VWA8: variants seen among roughly 807,000 people sequenced by gnomAD.
The protein encoded by VWA8 is von Willebrand factor A domain containing 8, also known as von Willebrand factor A domain-containing protein 8.
VWA8 carries 221 observed loss-of-function variants against 241.5 expected under a neutral mutation model. The ratio of observed to expected loss-of-function variants is 0.91; its 90% CI spans 0.82 to 1.02. The LOEUF (loss-of-function observed/expected upper bound fraction) is 1.02. Ranked by LOEUF, VWA8 falls within the 50% of genes least tolerant of loss-of-function variation. The pLI, the probability that VWA8 is intolerant of heterozygous loss-of-function variation, is 0.00. For synonymous variants in VWA8, 852 were observed against 827.1 expected (o/e 1.03, Z -0.52); for missense variants, 2,322 against 2,328.7 (o/e 1.00, Z 0.06).
At chr13:41,690,953 A>G (rs2045172790) in intron 32 of VWA8, among the ~76,000 whole-genome samples, 2 of 152,156 alleles carry the variant, frequency 1.3e-5, no homozygotes, top group South Asian at 4.1e-4. Context: ...GTGAATTTAC[A>G]AAGAGGCAAC....
chr13:41,848,000 T>C (rs1872362843), intron 12 of VWA8, among the ~76,000 whole-genome samples: 1 of 152,060 alleles, frequency 6.6e-6, no homozygotes, highest in African/African-American at 2.4e-5. Flanking sequence ...CCAAGGATAG[T>C]GGGTTAGAAT....
Position 41,845,203 on chromosome 13 carries a change from C to T in VWA8, c.1426-11672G>A, listed in dbSNP as rs117829360. On this transcript the variant is annotated intron_variant, in intron 12 of 44. Transcript: ENST00000379310. ...AAAAAACATACGAAAAAATGCTCAA[C>T]ATCACTAATCATTAGAGAAATGCCA... Among the ~76,000 whole-genome samples, 81 of 152,230 alleles carry T rather than the reference C, an allele frequency of 5.3e-4. No individual in the cohort carries two copies. In the East Asian group the frequency reaches 0.015, roughly 29 times the overall value.
intron 9 of VWA8, among the ~76,000 whole-genome samples, chr13:41,881,734 C>A (rs1874211531): frequency 6.8e-6 from 1 of 146,062 alleles, no homozygotes; most frequent in East Asian, 2.1e-4. Flanking sequence ...GGGGGCTGAC[C>A]CCCCCACCTC....
chr13:41,722,521 T>C (rs1044810306), intron 24 of VWA8, among the ~76,000 whole-genome samples: 12 of 152,206 alleles, frequency 7.9e-5, no homozygotes, highest in Admixed American at 7.2e-4. Context: ...AAAGCCATGA[T>C]ATCTTCAAAA....
intron 12 of VWA8, among the ~76,000 whole-genome samples, chr13:41,847,272 C>T (rs184510682): frequency 6.6e-6 from 1 of 152,150 alleles, no homozygotes; most frequent in Admixed American, 6.5e-5. Context: ...TAAGAAAATA[C>T]CACATAGTAG....
chr13:41,827,487 TG>T (rs1292143567), intron 14 of VWA8, among the ~76,000 whole-genome samples: 1 of 152,094 alleles, frequency 6.6e-6, no homozygotes, highest in Non-Finnish European at 1.5e-5. Context: ...GAGTAAGATG[TG>T]GGAAATGGGA....
chr13:41,629,238 C>T (rs980990919), intron 37 of VWA8, among the ~76,000 whole-genome samples: 5 of 152,116 alleles, frequency 3.3e-5, no homozygotes, highest in African/African-American at 1.2e-4. Flanking sequence ...CTACTATGCT[C>T]ACTACCTTGG....
chr13:41,898,775 TGGCACTGCTG>T, intron 4 of VWA8, among the ~76,000 whole-genome samples: 1 of 145,866 alleles, frequency 6.9e-6, no homozygotes, highest in Admixed American at 6.8e-5. Context: ...GCCGGTGGGC[TGGCACTGCTG>T]GGGGACCCAG....
chr13:41,701,176 T>C lies in VWA8; in HGVS notation c.3364+216A>G, dbSNP rs536296108. 2.6e-5 allele frequency among the ~76,000 whole-genome samples: 4 copies of C among 152,330 alleles called. No homozygotes were observed. The South Asian group carries it at 8.3e-4, about 32-fold the overall frequency. ...ACAATTGTAATGAGAAACAGACATA[T>C]GCATACAAACTCAGGAGTGCTTATG... On this transcript the variant is annotated intron_variant, in intron 28 of 44. Coordinates refer to ENST00000379310, the MANE Select transcript of VWA8 (RefSeq NM_015058.2).
intron 37 of VWA8, among the ~76,000 whole-genome samples, chr13:41,618,067 T>C (rs1331066359): frequency 1.3e-5 from 2 of 152,344 alleles, no homozygotes; most frequent in East Asian, 1.9e-4. Context: ...TCTTCCACAA[T>C]GGTTGAACTA....
At position 41,750,491 on chromosome 13, in the gene VWA8, A is replaced by AAAGGAAGG. The variant is rs55752497; in HGVS notation, c.2426+10629_2426+10636dup. Among the ~76,000 whole-genome samples, 13 of 149,970 alleles carry AAAGGAAGG rather than the reference A, an allele frequency of 8.7e-5. No individual in the cohort carries two copies. In the East Asian group the frequency reaches 1.2e-3, roughly 14 times the overall value. On this transcript the variant is annotated intron_variant, in intron 21 of 44. Coordinates refer to ENST00000379310, the MANE Select transcript of VWA8 (RefSeq NM_015058.2). ...AAAACAAAAAAAAAAGGAAAAAAAG[A>AAAGGAAGG]AAGGAAGGAAGGAAGGAAGGAAAAC...
At chr13:41,767,778 A>G (rs2045789379) in intron 20 of VWA8, among the ~76,000 whole-genome samples, 1 of 152,168 alleles carries the variant, frequency 6.6e-6, no homozygotes, top group Non-Finnish European at 1.5e-5. Context: ...ACCTCCCTGC[A>G]TTTTCCCTTT....
intron 16 of VWA8, among the ~76,000 whole-genome samples, chr13:41,811,660 T>C (rs1012322945): frequency 1.3e-5 from 2 of 152,156 alleles, no homozygotes; most frequent in African/African-American, 4.8e-5. Flanking sequence ...GGCTGTATGA[T>C]TGACTGTTCA....
intron 20 of VWA8, among the ~76,000 whole-genome samples, chr13:41,773,662 T>C (rs567059437): frequency 6.6e-6 from 1 of 152,310 alleles, no homozygotes; most frequent in African/African-American, 2.4e-5. Flanking sequence ...GATGTTACCT[T>C]ATGAAAACAC....
At chr13:41,865,855 C>T (rs201602733) in intron 11 of VWA8, 42 bp from the exon 12 acceptor site, 20 of 1,614,016 alleles carry the variant, frequency 1.2e-5, no homozygotes, top group African/African-American at 4.0e-5. Context: ...GTCAAAATAA[C>T]CAAAAGCCAG....
At chr13:41,750,011 C>G (rs1264954105) in intron 21 of VWA8, among the ~76,000 whole-genome samples, 3 of 151,962 alleles carry the variant, frequency 2.0e-5, no homozygotes, top group South Asian at 2.1e-4. Flanking sequence ...TACCCTAAAA[C>G]TTAAAGTATA....
At chr13:41,935,736 C>T (rs945204949) in intron 2 of VWA8, among the ~76,000 whole-genome samples, 1 of 151,708 alleles carries the variant, frequency 6.6e-6, no homozygotes, top group African/African-American at 2.4e-5. Flanking sequence ...TGTAATAGAC[C>T]TATAAAGGTG....
chr13:41,930,726 C>T (rs909381554), intron 2 of VWA8, among the ~76,000 whole-genome samples: 5 of 152,168 alleles, frequency 3.3e-5, no homozygotes, highest in African/African-American at 9.7e-5. Flanking sequence ...TTAAACACAA[C>T]TGGACTTCAT....
rs113216262 is a variant in VWA8 at position 41,926,417 on chromosome 13, G to A, written c.242-14249C>T. 379 of 532,118 alleles carry A rather than the reference G, an allele frequency of 7.1e-4. 3 individuals carry two copies. Among genetic ancestry groups the A allele is most frequent in the African/African-American group, 6.0e-3 (315 of 52,274 alleles). The allele number at this position is 532,118 out of a possible 1,614,324, so 33.0% of individuals were successfully genotyped here. On this transcript the variant is annotated intron_variant, in intron 2 of 44. Coordinates refer to ENST00000379310, the MANE Select transcript of VWA8 (RefSeq NM_015058.2). ...AAACTCCCATGGTGAACATCATCCC[G>A]GGGGAGCTGTGGCCAAGCTTTTCAT...
Sources: allele counts gnomAD v4.1 joint callset (sites outside exome capture counted in the v4.1 genomes callset), GRCh38; gene constraint gnomAD v4.1.1; transcripts MANE v1.5; gene names NCBI Gene and HGNC (gene_info 2026-07-23, HGNC 2026-07-21).